Variants in ZFHX3 observed in about 807,000 individuals in gnomAD.
ZFHX3 encodes the protein zinc finger homeobox protein 3.
ZFHX3 carries 42 observed loss-of-function variants against 279.1 expected under a neutral mutation model. The observed-to-expected ratio is 0.15, with a 90% confidence interval of 0.12 to 0.19. The LOEUF is 0.19. Ranked by LOEUF, ZFHX3 falls within the 10% of genes least tolerant of loss-of-function variation. The probability of loss-of-function intolerance (pLI) is 1.00; values close to 1 mark genes in which losing one functional copy is unlikely to be tolerated. For missense variants in ZFHX3, 4,981 were observed against 4,754.0 expected (o/e 1.05, Z -1.40); for synonymous variants, 2,293 against 1,957.8 (o/e 1.17, Z -4.52).
intron 1 of ZFHX3, among the ~76,000 whole-genome samples, chr16:73,737,659 T>C (rs1446154008): frequency 6.6e-6 from 1 of 152,094 alleles, no homozygotes; most frequent in Non-Finnish European, 1.5e-5. Flanking sequence ...ATTTTAGTCA[T>C]TTCAATTTAC....
chr16:73,483,393 G>A (rs1223265152), intron 2 of ZFHX3: 2 of 455,876 alleles, frequency 4.4e-6, no homozygotes, highest in Admixed American at 4.7e-5. Context: ...CCGGGAGCCA[G>A]GGTAGGGACC....
chr16:73,611,924 GA>G (rs756433056), intron 2 of ZFHX3, among the ~76,000 whole-genome samples: 2 of 152,110 alleles, frequency 1.3e-5, no homozygotes, highest in Non-Finnish European at 2.9e-5. Context: ...CTTCTCACAA[GA>G]TGTGACAGGG....
intron 1 of ZFHX3, among the ~76,000 whole-genome samples, chr16:73,695,633 T>G (rs565905790): frequency 6.6e-6 from 1 of 152,316 alleles, no homozygotes; most frequent in African/African-American, 2.4e-5. Context: ...TTCCATTTAT[T>G]AGCAGCTTTG....
intron 1 of ZFHX3, among the ~76,000 whole-genome samples, chr16:73,787,058 T>C (rs1959670815): frequency 6.6e-6 from 1 of 152,226 alleles, no homozygotes; most frequent in African/African-American, 2.4e-5. Context: ...TTTCTATGCT[T>C]TTTGTCCTCA....
At chr16:72,887,468 T>G (rs1477552017) in intron 4 of ZFHX3, among the ~76,000 whole-genome samples, 3 of 152,104 alleles carry the variant, frequency 2.0e-5, no homozygotes, top group Non-Finnish European at 2.9e-5. Flanking sequence ...TAACCCCCAA[T>G]TATTATTTAA....
intron 4 of ZFHX3, among the ~76,000 whole-genome samples, chr16:73,257,404 C>G (rs1223912467): frequency 1.3e-5 from 2 of 152,184 alleles, no homozygotes; most frequent in Non-Finnish European, 2.9e-5. Context: ...ATGGACTTGA[C>G]TCTGAATTGT....
intron 1 of ZFHX3, among the ~76,000 whole-genome samples, chr16:73,808,839 A>G (rs1268607771): frequency 2.0e-5 from 3 of 152,170 alleles, no homozygotes; most frequent in African/African-American, 4.8e-5. Flanking sequence ...AAGGACAGTA[A>G]CCTAGCATTC....
At chr16:73,623,064 T>C (rs2052380248) in intron 2 of ZFHX3, among the ~76,000 whole-genome samples, 1 of 151,132 alleles carries the variant, frequency 6.6e-6, no homozygotes. Flanking sequence ...TTAGACAGAG[T>C]CTGGCTCTTT....
intron 8 of ZFHX3, among the ~76,000 whole-genome samples, chr16:73,075,243 AT>A (rs1400998203): frequency 2.0e-5 from 3 of 148,312 alleles, no homozygotes; most frequent in Non-Finnish European, 4.5e-5. Flanking sequence ...AAGCCCAGGA[AT>A]TTGAGGCTGC....
At chr16:73,271,094 G>A (rs1405562551) in intron 4 of ZFHX3, among the ~76,000 whole-genome samples, 1 of 152,152 alleles carries the variant, frequency 6.6e-6, no homozygotes, top group African/African-American at 2.4e-5. Flanking sequence ...TTTGTCTGGG[G>A]TGTGGCCCAG....
At chr16:73,590,059 T>C (rs1342977790) in intron 2 of ZFHX3, among the ~76,000 whole-genome samples, 2 of 152,126 alleles carry the variant, frequency 1.3e-5, no homozygotes, top group Non-Finnish European at 2.9e-5. Context: ...TGTACACATA[T>C]TGTAGGATAA....
intron 7 of ZFHX3, among the ~76,000 whole-genome samples, chr16:72,802,942 C>G (rs1160792578): frequency 6.6e-6 from 1 of 152,144 alleles, no homozygotes; most frequent in Non-Finnish European, 1.5e-5. Flanking sequence ...CTTGGCACCC[C>G]CTTTGTTTTA....
At chr16:72,824,794 T>C (rs979020613) in intron 5 of ZFHX3, among the ~76,000 whole-genome samples, 1 of 152,232 alleles carries the variant, frequency 6.6e-6, no homozygotes, top group Non-Finnish European at 1.5e-5. Flanking sequence ...AATCACTGCA[T>C]TAATCATTGC....
intron 3 of ZFHX3, among the ~76,000 whole-genome samples, chr16:73,438,600 T>C (rs2018035004): frequency 1.3e-5 from 2 of 152,242 alleles, no homozygotes; most frequent in South Asian, 2.1e-4. Flanking sequence ...CATCTATGCA[T>C]TGCCTCTGGA....
At chr16:73,007,808 C>A (rs1198792520) in intron 1 of ZFHX3, among the ~76,000 whole-genome samples, 1 of 152,138 alleles carries the variant, frequency 6.6e-6, no homozygotes, top group Non-Finnish European at 1.5e-5. Flanking sequence ...TTTCAGACAT[C>A]CAAGTCATTT....
At chr16:73,001,547 T>G (rs572962753) in intron 1 of ZFHX3, among the ~76,000 whole-genome samples, 1 of 152,290 alleles carries the variant, frequency 6.6e-6, no homozygotes, top group East Asian at 1.9e-4. Context: ...GAGTGCTGAC[T>G]CATGCCTGTG....
chr16:73,862,634 G>A (rs1326905361), intron 1 of ZFHX3, among the ~76,000 whole-genome samples: 1 of 152,116 alleles, frequency 6.6e-6, no homozygotes, highest in Admixed American at 6.5e-5. Context: ...AAAGTAGCCA[G>A]GTGTGGTGGC....
In ZFHX3 at chr16:73,842,080, G is replaced by C. The variant is rs371694602; in HGVS notation, c.-1608+49571C>G. 2.4e-3 allele frequency among the ~76,000 whole-genome samples: 368 copies of C among 152,058 alleles called. 3 individuals are homozygous for C. The highest frequency in any genetic ancestry group is 8.3e-3 in the African/African-American group (346 of 41,468). ...AAAAAAAAAAAATTAGCCAGGCATG[G>C]TGGCGCACGCCTGTAATCCCAGCTA... On this transcript the variant is annotated intron_variant, in intron 1 of 17. Coordinates refer to the ZFHX3 transcript ENST00000641206.
chr16:73,729,405 T>A (rs185969394), intron 1 of ZFHX3, among the ~76,000 whole-genome samples: 1 of 152,332 alleles, frequency 6.6e-6, no homozygotes, highest in Admixed American at 6.5e-5. Flanking sequence ...GGCGCATGCC[T>A]GTAATCTCAG....
Sources: allele counts gnomAD v4.1 joint callset (sites outside exome capture counted in the v4.1 genomes callset), GRCh38; gene constraint gnomAD v4.1.1; transcripts MANE v1.5; gene names NCBI Gene and HGNC (gene_info 2026-07-23, HGNC 2026-07-21).